Variants in CAPN2 observed in about 807,000 individuals in gnomAD.
CAPN2 encodes calpain 2.
A neutral mutation model predicts 102.3 loss-of-function variants in CAPN2; 92 were observed. The observed-to-expected ratio is 0.90, with a 90% CI of 0.76 to 1.07. The LOEUF is 1.07. CAPN2 is among the 50% of genes least tolerant of loss of function. The probability of loss-of-function intolerance (pLI) is 0.00; values close to 1 mark genes in which losing one functional copy is unlikely to be tolerated. For missense variants in CAPN2, 800 were observed against 909.4 expected (o/e 0.88, Z 1.55); for synonymous variants, 340 against 355.4 (o/e 0.96, Z 0.49).
rs187547100 is a variant in CAPN2, at chr1:223,705,172, G to A, written c.3+3341G>A. 7.2e-5 allele frequency among the ~76,000 whole-genome samples: 11 copies of A among 152,318 alleles called. No individual in the cohort carries two copies. The East Asian group carries it at 2.1e-3, about 29-fold the overall frequency. On this transcript the variant is annotated intron_variant, in intron 1 of 20. Coordinates refer to the CAPN2 transcript ENST00000433674. ...ACTCCCTGTTAACAAGCCTATCCTT[G>A]GACTGGCTGAGAAAAGAAATGGAAC... is the stretch of plus-strand genomic sequence containing the variant.
chr1:223,763,203 CAA>C (rs776250358), intron 14 of CAPN2, among the ~76,000 whole-genome samples: 19 of 133,142 alleles, frequency 1.4e-4, no homozygotes, highest in South Asian at 2.4e-4. Context: ...CCAACAACTC[CAA>C]AAAAAAAAAA....
At chr1:223,742,515 TA>T (rs1218156538) in intron 2 of CAPN2, among the ~76,000 whole-genome samples, 10 of 104,846 alleles carry the variant, frequency 9.5e-5, no homozygotes, top group African/African-American at 3.0e-4. Context: ...TATATATATA[TA>T]TATTTTTTTT....
chr1:223,772,048 C>A lies in CAPN2; in HGVS notation c.2020+123C>A, dbSNP rs1032750905. The stretch of plus-strand genomic sequence containing the variant: ...TTCCAGGAGTTGAGAATGAAATTCC[C>A]TCTTTACTAATTTGAGGGTGAGGAA... On this transcript the variant is annotated intron_variant, in intron 19 of 20. Coordinates refer to ENST00000295006, the MANE Select transcript of CAPN2 (RefSeq NM_001748.5). 8.8e-6 allele frequency: 10 copies of A among 1,131,124 alleles called. No individual in the cohort carries two copies. The African/African-American group carries it at 1.2e-4, about 14-fold the overall frequency. 70.1% of individuals were successfully genotyped at this position (1,131,124 alleles called of 1,614,324 possible).
chr1:223,759,174 C>A lies in CAPN2; in HGVS notation c.1318-96C>A. On this transcript the variant is annotated intron_variant, in intron 11 of 20. Coordinates refer to ENST00000295006, the MANE Select transcript of CAPN2 (RefSeq NM_001748.5). The surrounding 1 kb of genome is among the most constrained non-coding windows in gnomAD (Gnocchi z 4.6). The stretch of plus-strand genomic sequence containing the variant: ...CACCAGGACAGCAGGACTGAGCCAC[C>A]ACACTACCCAACTGCTTTTATCTCA... 8.4e-7 allele frequency: 1 copy of A among 1,190,080 alleles called. No homozygotes were observed. The allele number at this position is 1,190,080 out of a possible 1,614,324, so 73.7% of individuals were successfully genotyped here.
chr1:223,719,566 A>G (rs1659993362), intron 2 of CAPN2, among the ~76,000 whole-genome samples: 2 of 152,148 alleles, frequency 1.3e-5, no homozygotes, highest in Admixed American at 1.3e-4. Flanking sequence ...ATCCAGAAAC[A>G]AACACAGCAA....
At chr1:223,744,913 C>G (rs1034469776) in intron 3 of CAPN2, among the ~76,000 whole-genome samples, 1 of 151,634 alleles carries the variant, frequency 6.6e-6, no homozygotes, top group South Asian at 2.1e-4. Flanking sequence ...GGTGTGGTGG[C>G]ACGTGCCCTT....
chr1:223,711,283 A>G (rs28370002), upstream of CAPN2, among the ~76,000 whole-genome samples: 2,307 of 152,268 alleles, frequency 0.015, 61 homozygotes, highest in African/African-American at 0.052. Flanking sequence ...TGTAGAGAAG[A>G]AGAGGAGGTA....
rs1661603459 is a variant in CAPN2 at position 223,775,746 on chromosome 1, GGAA to G, written c.*890_*892del. 6.6e-6 allele frequency: 1 copy of G among 152,518 alleles called. No homozygotes were observed. Among genetic ancestry groups the G allele is most frequent in the Admixed American group, 6.6e-5 (1 of 15,258 alleles). 9.4% of individuals were successfully genotyped at this position (152,518 alleles called of 1,614,324 possible). A position where few individuals can be genotyped will look rare whatever the true frequency, so the allele number is the denominator to read the frequency against. ...AAGTTTGTTTCCTGGCTTTACCTTG[GGAA>G]AATGCTAGCAACATTATAGAAATTT... On this transcript the variant is annotated 3_prime_UTR_variant, in exon 21 of 21. Transcript: ENST00000295006.
chr1:223,759,200 G>A lies in CAPN2; in HGVS notation c.1318-70G>A. 7.0e-7 allele frequency: 1 copy of A among 1,422,540 alleles called. No homozygotes were observed. The allele number at this position is 1,422,540 out of a possible 1,614,324, so 88.1% of individuals were successfully genotyped here. A position where few individuals can be genotyped will look rare whatever the true frequency, so the allele number is the denominator to read the frequency against. On this transcript the variant is annotated intron_variant, in intron 11 of 20. Coordinates refer to ENST00000295006, the MANE Select transcript of CAPN2 (RefSeq NM_001748.5). This position sits in a 1 kb window ranked among gnomAD's most constrained non-coding sequence, Gnocchi z 4.6. ...ACACTACCCAACTGCTTTTATCTCA[G>A]TGAATGAAAATGATACTTGCCTGGA...
At chr1:223,771,949 C>T (rs2102817934) in intron 19 of CAPN2, 24 bp downstream of exon 19, 1 of 1,507,132 alleles carries the variant, frequency 6.6e-7, no homozygotes, top group Non-Finnish European at 9.2e-7. Context: ...TGGGGAATGA[C>T]TCATTTCAGT....
intron 16 of CAPN2, among the ~76,000 whole-genome samples, chr1:223,767,385 T>C (rs1166909926): frequency 8.1e-6 from 1 of 123,472 alleles, no homozygotes; most frequent in Non-Finnish European, 1.6e-5. Context: ...TTCCCCTTCC[T>C]GTGTCCATGT....
upstream of CAPN2, among the ~76,000 whole-genome samples, chr1:223,708,117 G>A (rs1196064375): frequency 6.6e-6 from 1 of 152,230 alleles, no homozygotes; most frequent in African/African-American, 2.4e-5. Context: ...AGAAACCCAT[G>A]AGCTAGAAAT....
At chr1:223,751,961 G>A (rs375227801) in intron 7 of CAPN2, 36 bp from the exon 8 acceptor site, 263 of 1,421,024 alleles carry the variant, frequency 1.9e-4, no homozygotes, top group African/African-American at 1.3e-3. Flanking sequence ...AGAAATCATC[G>A]TACACTAACG....
Position 223,754,163 on chromosome 1 carries a change from C to A in CAPN2, c.1135+1207C>A, listed in dbSNP as rs1660972718. ...GTACAGTGGCAGCAGATCATGGTCA[C>A]ATAGTGATTCTCTGTGACAGATGAG... is the stretch of plus-strand genomic sequence containing the variant. On this transcript the variant is annotated intron_variant, in intron 9 of 20. Transcript: ENST00000295006. This position sits in a 1 kb window ranked among gnomAD's most constrained non-coding sequence, Gnocchi z 4.7. Among the ~76,000 whole-genome samples the A allele has an allele frequency of 6.6e-6, 1 of 152,228 alleles. No homozygotes were observed. The highest frequency in any genetic ancestry group is 2.1e-4 in the South Asian group (1 of 4,830).
intron 1 of CAPN2, 73 bp from the exon 2 acceptor site, chr1:223,717,689 G>A (rs1186347953): frequency 8.3e-7 from 1 of 1,209,398 alleles, no homozygotes; most frequent in Non-Finnish European, 1.2e-6. Context: ...AGACCCCACT[G>A]AGAATGGAGG....
chr1:223,732,427 T>C (rs1328891174), intron 2 of CAPN2, among the ~76,000 whole-genome samples: 4 of 152,232 alleles, frequency 2.6e-5, no homozygotes, highest in African/African-American at 9.6e-5. Context: ...GGATTATTCA[T>C]GCCTCCTCTT....
At chr1:223,707,451 A>C (rs1659635786) in intron 1 of CAPN2, among the ~76,000 whole-genome samples, 1 of 152,180 alleles carries the variant, frequency 6.6e-6, no homozygotes, top group Non-Finnish European at 1.5e-5. Context: ...TCCCGTGAAA[A>C]GGATTGTGTG....
At chr1:223,764,650 C>T (rs745489598) in intron 15 of CAPN2, among the ~76,000 whole-genome samples, 5 of 152,182 alleles carry the variant, frequency 3.3e-5, no homozygotes, top group Non-Finnish European at 7.4e-5. Flanking sequence ...GACAGGGTTT[C>T]ACCATATTGG....
chr1:223,764,321 C>T (rs1661260389), intron 15 of CAPN2, 114 bp downstream of exon 15: 1 of 826,852 alleles, frequency 1.2e-6, no homozygotes, highest in Non-Finnish European at 2.1e-6. Context: ...CACCACCCTC[C>T]ATCCCCTCCA....
Sources: allele counts gnomAD v4.1 joint callset (sites outside exome capture counted in the v4.1 genomes callset), GRCh38; gene constraint gnomAD v4.1.1; non-coding constraint Gnocchi (gnomAD v3.1); transcripts MANE v1.5; gene names NCBI Gene and HGNC (gene_info 2026-07-23, HGNC 2026-07-21).